Variants in TACC3 observed in about 807,000 individuals in gnomAD.
TACC3 encodes the protein transforming acidic coiled-coil-containing protein 3.
In TACC3, 52 loss-of-function variants were observed where a neutral mutation model predicts 86.0. The ratio of observed to expected loss-of-function variants is 0.60; its 90% CI spans 0.48 to 0.76. The LOEUF (loss-of-function observed/expected upper bound fraction) is 0.76, where lower values mean the gene tolerates loss of function less well. Among genes scored for constraint, TACC3 ranks in the 30% least tolerant of loss-of-function variants. TACC3 has a pLI of 0.00. For synonymous variants in TACC3, 512 were observed against 430.0 expected, an observed-to-expected ratio of 1.19 and a Z score of -2.36; for missense variants, 1,120 against 1,070.4, an observed-to-expected ratio of 1.05 and a Z score of -0.65.
chr4:1,720,886 G>A (rs1456445942), upstream of TACC3: 1 of 1,525,560 alleles, frequency 6.6e-7, no homozygotes, highest in South Asian at 1.2e-5. The surrounding 1 kb of genome is among the most constrained non-coding windows in gnomAD (Gnocchi z 4.4). Context: ...CCCGGCGCGC[G>A]GACGAGGCCG....
At chr4:1,720,682 G>C (rs761769882), upstream of TACC3, 4 of 1,551,528 alleles carry the variant, frequency 2.6e-6, no homozygotes, top group South Asian at 4.7e-5. The surrounding 1 kb of genome is among the most constrained non-coding windows in gnomAD (Gnocchi z 4.4). Flanking sequence ...TGCGGCGCAA[G>C]TGGAAGGGCA....
Position 1,737,631 on chromosome 4 carries a change from G to T in TACC3, c.1870G>T (p.Gly624Trp), listed in dbSNP as rs549457298. The T allele has an allele frequency of 6.5e-7, 1 of 1,532,790 alleles. No homozygotes were observed. The highest frequency in any genetic ancestry group is 1.4e-5 in the African/African-American group (1 of 72,628). The allele number at this position is 1,532,790 out of a possible 1,614,324, so 94.9% of individuals were successfully genotyped here. A position where few individuals can be genotyped will look rare whatever the true frequency, so the allele number is the denominator to read the frequency against. ...CCCACCCCCAGGTGTTCCCGCGCCT[G>T]GGGGCCCACCCCTGTCCACCGGACC... ...PGPPPGVPAP[G>W]GPPLSTGPIV... The change falls in exon 10 of 16, where the codon GGG (glycine) becomes TGG (tryptophan). Residue 624 changes from glycine to tryptophan, a missense_variant. By Grantham distance (184) the Gly-to-Trp change is radical. Coordinates refer to ENST00000313288, the MANE Select transcript of TACC3 (RefSeq NM_006342.3).
intron 4 of TACC3, among the ~76,000 whole-genome samples, chr4:1,730,031 G>GTTGTTTGT (rs1369845500): frequency 4.4e-5 from 6 of 134,906 alleles, no homozygotes; most frequent in Non-Finnish European, 8.4e-5. Context: ...TTTTCCTAGG[G>GTTGTTTGT]TTATTTGTTT....
chr4:1,723,346 C>T, intron 1 of TACC3, 75 bp from the exon 2 acceptor site: 3 of 1,504,376 alleles, frequency 2.0e-6, no homozygotes, highest in Non-Finnish European at 2.7e-6. Flanking sequence ...CCCCTTGCAG[C>T]AGCTGTCACG....
At position 1,731,210 on chromosome 4, in the gene TACC3, A is replaced by T. The variant is rs1247025133; in HGVS notation, c.1500A>T (p.Thr500=). 6.2e-7 allele frequency: 1 copy of T among 1,613,274 alleles called. No individual in the cohort carries two copies. Among genetic ancestry groups the T allele is most frequent in the Admixed American group, 1.7e-5 (1 of 60,008 alleles). Residue 500 remains threonine, a synonymous_variant, in exon 6 of 16, where the codon ACA becomes ACT. Transcript: ENST00000313288. ...ALNSASTSLP[T]SCPGSEPVPT... The stretch of plus-strand genomic sequence containing the variant: ...ACTCTGCCAGCACCTCGCTTCCCAC[A>T]AGCTGTCCAGGCAGTGAGCCAGTGC...
At chr4:1,741,851 T>C (rs1718614412) in intron 13 of TACC3, 1 of 152,268 alleles carries the variant, frequency 6.6e-6, no homozygotes, top group South Asian at 2.1e-4. Flanking sequence ...TATCTTATGC[T>C]TTAAATTGCT....
chr4:1,735,903 G>A lies in TACC3; in HGVS notation c.1748+69G>A. The stretch of plus-strand genomic sequence containing the variant: ...GGAAGACTGGAGGCTGTTCCTAGGT[G>A]TGCTGTCTGCACAGAGGCTTCTAGA... On this transcript the variant is annotated intron_variant, in intron 8 of 15. Transcript: ENST00000313288. The surrounding 1 kb of genome is among the most constrained non-coding windows in gnomAD (Gnocchi z 4.2). 8.7e-7 allele frequency: 1 copy of A among 1,144,236 alleles called. No homozygotes were observed. The highest frequency in any genetic ancestry group is 1.3e-6 in the Non-Finnish European group (1 of 788,422). 70.9% of individuals were successfully genotyped at this position (1,144,236 alleles called of 1,614,324 possible).
intron 4 of TACC3, among the ~76,000 whole-genome samples, chr4:1,730,031 G>A (rs1717921476): frequency 1.5e-5 from 2 of 134,906 alleles, no homozygotes; most frequent in African/African-American, 5.5e-5. Context: ...TTTTCCTAGG[G>A]TTATTTGTTT....
intron 3 of TACC3, among the ~76,000 whole-genome samples, chr4:1,724,079 C>T (rs1317855570): frequency 6.6e-6 from 1 of 152,136 alleles, no homozygotes; most frequent in African/African-American, 2.4e-5. Context: ...TGCCATTCTC[C>T]TGCCTCAGCC....
chr4:1,738,118 C>G (rs1718384640), intron 10 of TACC3: 1 of 351,426 alleles, frequency 2.8e-6, no homozygotes, highest in Non-Finnish European at 5.7e-6. Flanking sequence ...GGTCCCGTGC[C>G]TTGTCTCCCT....
rs1455150197 is a variant in TACC3 at position 1,735,237 on chromosome 4, A to T, written c.1592-36A>T. 6.2e-7 allele frequency: 1 copy of T among 1,613,406 alleles called. No individual in the cohort carries two copies. Among genetic ancestry groups the T allele is most frequent in the Non-Finnish European group, 8.5e-7 (1 of 1,179,842 alleles). The stretch of plus-strand genomic sequence containing the variant: ...GCCCGCCGCCCTTAGGGCCCTGGTG[A>T]GGGGCGATGGCGGCGGCATGATTCA... On this transcript the variant is annotated intron_variant, in intron 6 of 15. Transcript: ENST00000313288. This position sits in a 1 kb window ranked among gnomAD's most constrained non-coding sequence, Gnocchi z 4.2.
At chr4:1,743,936 G>A (rs1718715816) in intron 13 of TACC3, among the ~76,000 whole-genome samples, 2 of 152,214 alleles carry the variant, frequency 1.3e-5, no homozygotes, top group African/African-American at 2.4e-5. Context: ...CGACAGAGGA[G>A]TGAGGATGGC....
rs34859791 is a variant in TACC3, at chr4:1,735,677, C to CCTGTGT, written c.1645-54_1645-53insCTGTGT. ...GGTGACCTCCCTGGCCCTTAGCCCC[C>CCTGTGT]GTGTGTGTTAGGGGATGGCAGTCAG... On this transcript the variant is annotated intron_variant, in intron 7 of 15. Transcript: ENST00000313288. This position sits in a 1 kb window ranked among gnomAD's most constrained non-coding sequence, Gnocchi z 4.2. 5 of 1,430,672 alleles carry CCTGTGT rather than the reference C, an allele frequency of 3.5e-6. No individual in the cohort carries two copies. Among genetic ancestry groups the CCTGTGT allele is most frequent in the African/African-American group, 1.4e-5 (1 of 71,776 alleles). 88.6% of individuals were successfully genotyped at this position (1,430,672 alleles called of 1,614,324 possible). A position where few individuals can be genotyped will look rare whatever the true frequency, so the allele number is the denominator to read the frequency against.
At chr4:1,744,375 T>G in intron 13 of TACC3, 143 bp from the exon 14 acceptor site, 1 of 729,222 alleles carries the variant, frequency 1.4e-6, no homozygotes, top group South Asian at 1.8e-5. Flanking sequence ...GTGAAGGGGC[T>G]TTTTCCAAAA....
chr4:1,736,536 C>T (rs1045192330), intron 8 of TACC3, among the ~76,000 whole-genome samples: 13 of 152,098 alleles, frequency 8.5e-5, no homozygotes, highest in Admixed American at 6.5e-4. Context: ...GAGCCATGCC[C>T]GTTCCTTTGC....
chr4:1,739,059 A>G (rs1718429298), intron 10 of TACC3, among the ~76,000 whole-genome samples: 1 of 152,226 alleles, frequency 6.6e-6, no homozygotes, highest in Admixed American at 6.5e-5. Context: ...CTGTAATCCC[A>G]GTACTTTGGG....
At position 1,744,830 on chromosome 4, in the gene TACC3, A is replaced by G. The variant is rs969303541; in HGVS notation, c.2449A>G (p.Lys817Glu). 2.5e-6 allele frequency: 4 copies of G among 1,612,862 alleles called. No homozygotes were observed. The highest frequency in any genetic ancestry group is 3.4e-6 in the Non-Finnish European group (4 of 1,180,022). The change falls in exon 15 of 16, where the codon AAG becomes GAG. Residue 817 changes from lysine to glutamate, a missense_variant and splice_region_variant. Coordinates refer to ENST00000313288, the MANE Select transcript of TACC3 (RefSeq NM_006342.3). ...IQSLEKTVEQ[K>E]TKENEELTRI... ...GTCGCTGGAGAAGACAGTGGAGCAG[A>G]AGGTGGGTGCGGGAAGCCCAGCTCA...
Position 1,723,502 on chromosome 4 carries a change from A to G in TACC3, c.81A>G (p.Pro27=). The part of the protein sequence containing the change: ...TENCDFLFSP[P]EVTGRSSVLR... Reference sequence around the variant, plus strand: ...ATTGCGACTTCCTGTTTTCGCCACCAGAAGTTACCGGAAGATCGTCTGTTC... The same window carrying G: ...ATTGCGACTTCCTGTTTTCGCCACCGGAAGTTACCGGAAGATCGTCTGTTC... The change falls in exon 2 of 16, where the codon CCA becomes CCG. Residue 27 remains proline, a synonymous_variant. Coordinates refer to ENST00000313288, the MANE Select transcript of TACC3 (RefSeq NM_006342.3). The G allele has an allele frequency of 6.2e-7, 1 of 1,613,804 alleles. No homozygotes were observed. The highest frequency in any genetic ancestry group is 8.5e-7 in the Non-Finnish European group (1 of 1,180,012).
intron 3 of TACC3, among the ~76,000 whole-genome samples, chr4:1,725,494 CATTG>C (rs1220882944): frequency 2.6e-5 from 4 of 152,194 alleles, no homozygotes; most frequent in African/African-American, 9.7e-5. Context: ...ATGAATCAAA[CATTG>C]GTTTACAACG....
Sources: gnomAD v4.1 joint callset for allele counts (sites outside exome capture counted in the v4.1 genomes callset) on GRCh38, gnomAD v4.1.1 for gene constraint, Gnocchi (gnomAD v3.1) non-coding constraint, MANE v1.5 for transcripts, NCBI Gene and HGNC (gene_info 2026-07-23, HGNC 2026-07-21) for gene names.